KAZN: variants seen among roughly 807,000 people sequenced by gnomAD.
KAZN encodes kazrin.
In KAZN, 40 loss-of-function variants were observed where a neutral mutation model predicts 87.4. The ratio of observed to expected loss-of-function variants is 0.46; its 90% CI spans 0.36 to 0.60. The LOEUF (loss-of-function observed/expected upper bound fraction) is 0.60. KAZN is among the 20% of genes least tolerant of loss of function. The pLI is 0.00. For synonymous variants in KAZN, 466 were observed against 458.3 expected, an observed-to-expected ratio of 1.02 and a Z score of -0.22; for missense variants, 898 against 1,073.9, an observed-to-expected ratio of 0.84 and a Z score of 2.29.
At chr1:14,182,669 G>A (rs1324779377) in intron 2 of KAZN, among the ~76,000 whole-genome samples, 1 of 152,086 alleles carries the variant, frequency 6.6e-6, no homozygotes, top group Admixed American at 6.5e-5. Context: ...GAGTTTTGAA[G>A]TAGACACGTA....
At chr1:14,356,448 T>C (rs2100962706) in intron 2 of KAZN, among the ~76,000 whole-genome samples, 1 of 152,344 alleles carries the variant, frequency 6.6e-6, no homozygotes, top group South Asian at 2.1e-4. Context: ...CATTTGTCAA[T>C]TTTGGCTTTT....
chr1:14,411,293 GCAAGGCCGAATT>G (rs1172228002), intron 2 of KAZN, among the ~76,000 whole-genome samples: 1 of 152,166 alleles, frequency 6.6e-6, no homozygotes, highest in East Asian at 1.9e-4. Context: ...TTTCAGGCAG[GCAAGGCCGAATT>G]TCTTTTTGAG....
chr1:14,185,090 G>A (rs1175117134), intron 2 of KAZN, among the ~76,000 whole-genome samples: 2 of 152,120 alleles, frequency 1.3e-5, no homozygotes, highest in African/African-American at 4.8e-5. Flanking sequence ...TATACAAACT[G>A]AGACATCAGA....
intron 1 of KAZN, among the ~76,000 whole-genome samples, chr1:14,176,475 A>C (rs1646078015): frequency 6.6e-6 from 1 of 152,184 alleles, no homozygotes; most frequent in African/African-American, 2.4e-5. Context: ...GACATGAGGG[A>C]ACTTCTGTTT....
intron 2 of KAZN, among the ~76,000 whole-genome samples, chr1:14,495,604 G>A (rs1425012999): frequency 6.6e-6 from 1 of 152,116 alleles, no homozygotes; most frequent in Non-Finnish European, 1.5e-5. Flanking sequence ...ATTAGCATGA[G>A]TCAGAATTTT....
chr1:14,211,338 A>G, intron 2 of KAZN, among the ~76,000 whole-genome samples: 1 of 152,138 alleles, frequency 6.6e-6, no homozygotes, highest in East Asian at 1.9e-4. Context: ...CTCTCGCCTC[A>G]GCCTCCCGAG....
Position 14,471,297 on chromosome 1 carries a change from A to G in KAZN, c.250-127686A>G, listed in dbSNP as rs545356923. Among the ~76,000 whole-genome samples, 182 of 152,336 alleles carry G rather than the reference A, an allele frequency of 1.2e-3. 1 individual carries two copies. The highest frequency in any genetic ancestry group is 0.01 in the South Asian group (49 of 4,826). On this transcript the variant is annotated intron_variant, in intron 2 of 16. Coordinates refer to the KAZN transcript ENST00000636203. Reference sequence around the variant, plus strand: ...TAATTATAATTTCAAAGTATTTCAGACTTTTATATTAGAATATAATAGAAA... The same window carrying G: ...TAATTATAATTTCAAAGTATTTCAGGCTTTTATATTAGAATATAATAGAAA...
rs116061258 is a variant in KAZN at position 14,745,444 on chromosome 1, G to C, written c.226+146221G>C. Among the ~76,000 whole-genome samples the C allele has an allele frequency of 5.1e-3, 782 of 152,190 alleles. 3 individuals are homozygous for C. The highest frequency in any genetic ancestry group is 0.017 in the African/African-American group (707 of 41,522). ...CTGGTTGCAAAGCCAAGAGTAATTA[G>C]CACCGTGAGAATGGGGGGAAGTGAT... On this transcript the variant is annotated intron_variant, in intron 1 of 14. Transcript: ENST00000376030.
intron 2 of KAZN, among the ~76,000 whole-genome samples, chr1:14,453,750 C>G (rs903925896): frequency 2.0e-5 from 3 of 152,094 alleles, no homozygotes; most frequent in Non-Finnish European, 4.4e-5. Flanking sequence ...GCAGGAGAAT[C>G]GCTTCAACCT....
At chr1:14,763,714 G>A (rs918222979) in intron 1 of KAZN, among the ~76,000 whole-genome samples, 3 of 152,132 alleles carry the variant, frequency 2.0e-5, no homozygotes, top group Non-Finnish European at 4.4e-5. Context: ...TTGCCTAAGG[G>A]GGAGATGGGA....
At chr1:14,786,443 C>T (rs554628831) in intron 1 of KAZN, among the ~76,000 whole-genome samples, 26 of 152,294 alleles carry the variant, frequency 1.7e-4, no homozygotes, top group Middle Eastern at 3.4e-3. Context: ...CCCACACTTC[C>T]TCAATCGTAC....
At chr1:14,740,719 A>G (rs1433943969) in intron 1 of KAZN, among the ~76,000 whole-genome samples, 2 of 151,954 alleles carry the variant, frequency 1.3e-5, no homozygotes, top group African/African-American at 4.8e-5. Flanking sequence ...CATTCCTGGG[A>G]TCAAGAGGGT....
intron 1 of KAZN, among the ~76,000 whole-genome samples, chr1:14,790,989 C>T (rs1645657477): frequency 7.7e-6 from 1 of 130,070 alleles, no homozygotes; most frequent in Non-Finnish European, 1.7e-5. Context: ...ACCGCACCGG[C>T]CCCCGCTGGC....
intron 1 of KAZN, among the ~76,000 whole-genome samples, chr1:14,765,422 T>C (rs1644859144): frequency 6.6e-6 from 1 of 152,160 alleles, no homozygotes; most frequent in African/African-American, 2.4e-5. Flanking sequence ...CTGGGGAAGG[T>C]ATAGCCCAGT....
chr1:14,539,745 G>C (rs184448958), intron 2 of KAZN, among the ~76,000 whole-genome samples: 9 of 150,432 alleles, frequency 6.0e-5, no homozygotes, highest in Admixed American at 1.3e-4. Flanking sequence ...GACGTTTTTA[G>C]GCCCTGACTT....
chr1:14,706,145 G>A (rs560188726), intron 1 of KAZN, among the ~76,000 whole-genome samples: 9 of 152,090 alleles, frequency 5.9e-5, no homozygotes, highest in South Asian at 2.1e-4. Flanking sequence ...TCTAATGCCC[G>A]ATGATCTGTC....
At chr1:15,009,912 G>A (rs116834729) in intron 2 of KAZN, among the ~76,000 whole-genome samples, 2,921 of 152,034 alleles carry the variant, frequency 0.019, 56 homozygotes, top group Non-Finnish European at 0.027. Flanking sequence ...ATTGTAATAT[G>A]TATCTATAAA....
intron 1 of KAZN, among the ~76,000 whole-genome samples, chr1:13,997,903 C>T (rs1004901528): frequency 6.6e-6 from 1 of 151,996 alleles, no homozygotes; most frequent in Non-Finnish European, 1.5e-5. Context: ...AGATCAGCCC[C>T]AAGACACATA....
chr1:13,996,725 G>A (rs1181699449), intron 1 of KAZN, among the ~76,000 whole-genome samples: 1 of 152,252 alleles, frequency 6.6e-6, no homozygotes, highest in East Asian at 1.9e-4. Context: ...CCCCTAGAGG[G>A]AGGGGTGGCC....
Sources: allele counts gnomAD v4.1 joint callset (sites outside exome capture counted in the v4.1 genomes callset), GRCh38; gene constraint gnomAD v4.1.1; transcripts MANE v1.5; gene names NCBI Gene and HGNC (gene_info 2026-07-23, HGNC 2026-07-21).